The following PIK3CB variants were observed in gnomAD, a reference collection of about 807,000 sequenced individuals.
The protein encoded by PIK3CB is phosphatidylinositol 4,5-bisphosphate 3-kinase catalytic subunit beta isoform.
PIK3CB carries 39 observed loss-of-function variants against 136.8 expected under a neutral mutation model. The ratio of observed to expected loss-of-function variants is 0.29; its 90% CI spans 0.22 to 0.37. The LOEUF (loss-of-function observed/expected upper bound fraction) is 0.37, where lower values mean the gene tolerates loss of function less well. PIK3CB is among the 10% of genes least tolerant of loss of function. The pLI, the probability that PIK3CB is intolerant of heterozygous loss-of-function variation, is 1.00. For missense variants in PIK3CB, 868 were observed against 1,275.4 expected (o/e 0.68, Z 4.87); for synonymous variants, 428 against 436.6 (o/e 0.98, Z 0.25).
intron 2 of PIK3CB, among the ~76,000 whole-genome samples, chr3:138,764,555 A>T (rs775520702): frequency 3.3e-5 from 5 of 152,226 alleles, no homozygotes; most frequent in Non-Finnish European, 5.9e-5. Flanking sequence ...ACTTGAGGTC[A>T]GGAGTTCGAG....
In PIK3CB at chr3:138,737,858, T is replaced by C; in HGVS notation, c.650A>G (p.Asn217Ser). 1 of 1,603,928 alleles carries C rather than the reference T, an allele frequency of 6.2e-7. No individual in the cohort carries two copies. The highest frequency in any genetic ancestry group is 8.5e-7 in the Non-Finnish European group (1 of 1,174,606). Residue 217 changes from asparagine to serine, a missense_variant, in exon 6 of 24, where the codon AAT becomes AGT. Asn to Ser is a conservative substitution (Grantham distance 46). Coordinates refer to ENST00000674063, the MANE Select transcript of PIK3CB (RefSeq NM_006219.3). ...QDVFSFQVSP[N>S]MNPIKVNELA... ...TTCATTTACTTTGATAGGATTCATA[T>C]TAGGAGACACTTGAAAGCTAAACAC...
intron 2 of PIK3CB, among the ~76,000 whole-genome samples, chr3:138,760,423 ACTC>A (rs769339395): frequency 1.3e-5 from 2 of 152,056 alleles, no homozygotes; most frequent in East Asian, 3.8e-4. Flanking sequence ...TGAGGAATAA[ACTC>A]CTCATATCAA....
chr3:138,759,596 TACC>T (rs2045632618), intron 2 of PIK3CB, among the ~76,000 whole-genome samples: 1 of 152,026 alleles, frequency 6.6e-6, no homozygotes, highest in Non-Finnish European at 1.5e-5. Flanking sequence ...ATCCAATCCA[TACC>T]ACCAACTAAA....
chr3:138,701,380 T>A (rs1390961902), intron 12 of PIK3CB, among the ~76,000 whole-genome samples: 1 of 152,176 alleles, frequency 6.6e-6, no homozygotes, highest in African/African-American at 2.4e-5. Flanking sequence ...GAATAAAATC[T>A]GTAGATTATA....
At chr3:138,816,993 G>T (rs1374414828) in intron 1 of PIK3CB, among the ~76,000 whole-genome samples, 1 of 151,916 alleles carries the variant, frequency 6.6e-6, no homozygotes, top group East Asian at 1.9e-4. Context: ...TGGAGGTCGG[G>T]AGTTCAAGAC....
chr3:138,705,087 T>C (rs992253968), intron 11 of PIK3CB, among the ~76,000 whole-genome samples: 1 of 145,382 alleles, frequency 6.9e-6, no homozygotes, highest in Non-Finnish European at 1.5e-5. Flanking sequence ...CTTATATATA[T>C]TCAAAGACTA....
At chr3:138,832,845 AAAAAC>A (rs1559896828) in intron 1 of PIK3CB, among the ~76,000 whole-genome samples, 5 of 148,236 alleles carry the variant, frequency 3.4e-5, no homozygotes, top group Non-Finnish European at 6.0e-5. Context: ...AAAAAAAAAA[AAAAAC>A]AAAATTGAAA....
chr3:138,783,436 C>T (rs1334196741), intron 2 of PIK3CB, among the ~76,000 whole-genome samples: 1 of 151,928 alleles, frequency 6.6e-6, no homozygotes, highest in African/African-American at 2.4e-5. Flanking sequence ...TGCATGGCAC[C>T]CAGCTAATTT....
chr3:138,663,258 T>C (rs553710961), intron 21 of PIK3CB, among the ~76,000 whole-genome samples: 1 of 152,186 alleles, frequency 6.6e-6, no homozygotes, highest in Non-Finnish European at 1.5e-5. Flanking sequence ...AGGATATGAA[T>C]AGCATTGGTA....
intron 1 of PIK3CB, among the ~76,000 whole-genome samples, chr3:138,803,166 C>T (rs1008158440): frequency 2.0e-5 from 3 of 152,106 alleles, no homozygotes; most frequent in African/African-American, 7.2e-5. Context: ...CAGTCTTCCA[C>T]CAGAATAAAA....
chr3:138,815,368 A>AACAAAAAAC (rs1553743729), intron 1 of PIK3CB, among the ~76,000 whole-genome samples: 33 of 105,960 alleles, frequency 3.1e-4, no homozygotes, highest in Admixed American at 8.7e-4. Context: ...AAAAAAAAAA[A>AACAAAAAAC]AAAAAAACTA....
chr3:138,824,892 CA>C (rs57342129), intron 1 of PIK3CB, among the ~76,000 whole-genome samples: 8,049 of 62,374 alleles, frequency 0.13, 918 homozygotes, highest in African/African-American at 0.37. Flanking sequence ...TACAAAATAC[CA>C]AAAAAAAAAA....
chr3:138,705,111 A>C (rs962514725), intron 11 of PIK3CB, among the ~76,000 whole-genome samples: 1 of 146,860 alleles, frequency 6.8e-6, no homozygotes, highest in African/African-American at 2.5e-5. Context: ...TCTCTATCCC[A>C]AACTGATCTT....
chr3:138,715,631 T>TA (rs903428819), intron 8 of PIK3CB, among the ~76,000 whole-genome samples: 1 of 152,112 alleles, frequency 6.6e-6, no homozygotes, highest in African/African-American at 2.4e-5. Context: ...AAAAGGAAGA[T>TA]AAATACCCAA....
chr3:138,729,548 C>G (rs1292369587), intron 8 of PIK3CB, among the ~76,000 whole-genome samples: 1 of 152,132 alleles, frequency 6.6e-6, no homozygotes, highest in African/African-American at 2.4e-5. Flanking sequence ...CCAAGTAAGA[C>G]AGAATTCTTC....
At chr3:138,742,497 T>C (rs536516437) in intron 5 of PIK3CB, 61 bp downstream of exon 5, 1 of 790,638 alleles carries the variant, frequency 1.3e-6, no homozygotes, top group African/African-American at 1.8e-5. Context: ...AAAATGCAGT[T>C]GTATTCGGGT....
chr3:138,788,331 A>G (rs188544816), intron 2 of PIK3CB, among the ~76,000 whole-genome samples: 71 of 152,292 alleles, frequency 4.7e-4, no homozygotes, highest in African/African-American at 1.5e-3. Flanking sequence ...TTAAGGAAAT[A>G]AACTTAAAAC....
chr3:138,677,058 A>AT (rs5852918), intron 19 of PIK3CB, among the ~76,000 whole-genome samples: 8,245 of 143,510 alleles, frequency 0.057, 730 homozygotes, highest in African/African-American at 0.19. Context: ...ATTATGCAAG[A>AT]TTTTTTTTTT....
chr3:138,804,161 AG>A (rs1286454660), intron 1 of PIK3CB, among the ~76,000 whole-genome samples: 1 of 149,580 alleles, frequency 6.7e-6, no homozygotes, highest in Non-Finnish European at 1.5e-5. Flanking sequence ...TTTTAAAAAA[AG>A]AAGAAGTAAC....
Sources: gnomAD v4.1 joint callset for allele counts (sites outside exome capture counted in the v4.1 genomes callset) on GRCh38, gnomAD v4.1.1 for gene constraint, MANE v1.5 for transcripts, NCBI Gene and HGNC (gene_info 2026-07-23, HGNC 2026-07-21) for gene names.